The following UBR4 variants were observed in gnomAD, a reference collection of about 807,000 sequenced individuals.
The protein encoded by UBR4 is ubiquitin protein ligase E3 component n-recognin 4.
A neutral mutation model predicts 575.6 loss-of-function variants in UBR4; 124 were observed. That is an observed-to-expected ratio of 0.22 (90% confidence interval 0.19 to 0.25). The LOEUF (loss-of-function observed/expected upper bound fraction) is 0.25, where lower values mean the gene tolerates loss of function less well. Among genes scored for constraint, UBR4 ranks in the 10% least tolerant of loss-of-function variants. The pLI, the probability that UBR4 is intolerant of heterozygous loss-of-function variation, is 1.00. For missense variants in UBR4, 4,818 were observed against 6,478.8 expected, an observed-to-expected ratio of 0.74 and a Z score of 8.80; for synonymous variants, 2,455 against 2,473.7, an observed-to-expected ratio of 0.99 and a Z score of 0.22.
At chr1:19,086,544 T>G in intron 100 of UBR4, 135 bp downstream of exon 100, 1 of 1,333,964 alleles carries the variant, frequency 7.5e-7, no homozygotes, top group Non-Finnish European at 1.0e-6. Context: ...TGGGGACCTA[T>G]ATGGTGTCAG....
At chr1:19,084,413 A>G (rs2076812570) in intron 102 of UBR4, 91 bp downstream of exon 102, 2 of 1,360,022 alleles carry the variant, frequency 1.5e-6, no homozygotes, top group Non-Finnish European at 1.0e-6. Flanking sequence ...CGGAACTAGC[A>G]TGAGAGGCTA....
intron 15 of UBR4, among the ~76,000 whole-genome samples, 167 bp downstream of exon 15, chr1:19,184,927 AGTCAC>A (rs2151245274): frequency 6.6e-6 from 1 of 152,368 alleles, no homozygotes; most frequent in South Asian, 2.1e-4. Context: ...AAACAGTAAC[AGTCAC>A]GTAAGTTATT....
intron 26 of UBR4, among the ~76,000 whole-genome samples, 192 bp downstream of exon 26, chr1:19,170,570 T>A (rs2089359359): frequency 6.6e-6 from 1 of 151,674 alleles, no homozygotes; most frequent in Admixed American, 6.6e-5. Flanking sequence ...TTATAATGAG[T>A]AAAAAGGGGA....
At chr1:19,101,675 A>T in intron 87 of UBR4, 34 bp from the exon 88 acceptor site, 1 of 1,582,114 alleles carries the variant, frequency 6.3e-7, no homozygotes, top group Non-Finnish European at 8.7e-7. Flanking sequence ...GTTAGGAAAG[A>T]GCCTCTCCCA....
chr1:19,084,870 A>G (rs1257891636), intron 101 of UBR4, among the ~76,000 whole-genome samples, 172 bp from the exon 102 acceptor site: 1 of 152,230 alleles, frequency 6.6e-6, no homozygotes, highest in Non-Finnish European at 1.5e-5. Context: ...GCAGGACGAC[A>G]AGGCCATAGG....
chr1:19,209,792 G>A (rs751859667), intron 1 of UBR4, among the ~76,000 whole-genome samples: 4 of 152,158 alleles, frequency 2.6e-5, no homozygotes, highest in Non-Finnish European at 5.9e-5. Flanking sequence ...CCCTTAAGAG[G>A]GCGAATGCAT....
chr1:19,155,722 C>G (rs1402335714), intron 42 of UBR4, 54 bp from the exon 43 acceptor site: 3 of 1,485,084 alleles, frequency 2.0e-6, no homozygotes, highest in Non-Finnish European at 2.8e-6. Flanking sequence ...TCCCATCCCC[C>G]AAATATCTTA....
chr1:19,094,811 AG>A, intron 94 of UBR4, 94 bp downstream of exon 94: 1 of 1,514,194 alleles, frequency 6.6e-7, no homozygotes, highest in Non-Finnish European at 8.9e-7. Flanking sequence ...CGCCATTCTC[AG>A]GTGGGCTAAG....
chr1:19,175,828 C>G (rs184600618), intron 20 of UBR4, among the ~76,000 whole-genome samples: 154 of 152,228 alleles, frequency 1.0e-3, no homozygotes, highest in African/African-American at 3.6e-3. Flanking sequence ...GGGTCTCACT[C>G]TGTCAACCAG....
chr1:19,141,190 C>T (rs1207143804), intron 57 of UBR4, among the ~76,000 whole-genome samples, 157 bp downstream of exon 57: 1 of 152,228 alleles, frequency 6.6e-6, no homozygotes, highest in African/African-American at 2.4e-5. Flanking sequence ...CACCACATCC[C>T]TCTCACTCTC....
rs1245936395 is a variant in UBR4 at position 19,139,718 on chromosome 1, T to TAG, written c.8594-500_8594-499dup. On this transcript the variant is annotated intron_variant, in intron 58 of 105. Coordinates refer to ENST00000375254, the MANE Select transcript of UBR4 (RefSeq NM_020765.3). The surrounding 1 kb of genome is among the most constrained non-coding windows in gnomAD (Gnocchi z 4.2). The stretch of plus-strand genomic sequence containing the variant: ...GTTTTGCTTATGTTAGGAAATCACT[T>TAG]AGCATGAGCTCTTGAATCAACCCTG... 1.8e-4 allele frequency among the ~76,000 whole-genome samples: 27 copies of TAG among 152,344 alleles called. No homozygotes were observed. Among genetic ancestry groups the TAG allele is most frequent in the African/African-American group, 6.5e-4 (27 of 41,588 alleles).
chr1:19,090,366 G>T (rs1261813409), intron 97 of UBR4, among the ~76,000 whole-genome samples: 1 of 152,070 alleles, frequency 6.6e-6, no homozygotes, highest in Non-Finnish European at 1.5e-5. Flanking sequence ...CCAGGGCACT[G>T]CCCTCAGGAG....
rs1038508170 is a variant in UBR4, at chr1:19,088,100, T to C, written c.14431-171A>G. On this transcript the variant is annotated intron_variant, in intron 98 of 105. Transcript: ENST00000375254. This position sits in a 1 kb window ranked among gnomAD's most constrained non-coding sequence, Gnocchi z 4.0. ...ATAAGGATAAAGACCCAGGCCCTTC[T>C]GCTATTCTCTCTTCCTACAGGAACC... is the stretch of plus-strand genomic sequence containing the variant. 1.3e-5 allele frequency among the ~76,000 whole-genome samples: 2 copies of C among 152,244 alleles called. No individual in the cohort carries two copies. Among genetic ancestry groups the C allele is most frequent in the Non-Finnish European group, 2.9e-5 (2 of 68,038 alleles).
At chr1:19,196,021 C>T (rs1024532072) in intron 8 of UBR4, among the ~76,000 whole-genome samples, 18 of 145,662 alleles carry the variant, frequency 1.2e-4, no homozygotes, top group African/African-American at 4.3e-4. Flanking sequence ...CACACACAAA[C>T]TTACGTAGTA....
In UBR4 at chr1:19,164,869, G is replaced by A; in HGVS notation, c.4441C>T (p.Gln1481Ter). 6.2e-7 allele frequency: 1 copy of A among 1,614,166 alleles called. No homozygotes were observed. The highest frequency in any genetic ancestry group is 8.5e-7 in the Non-Finnish European group (1 of 1,180,022). Reference protein sequence around the residue: ...MTTSPPKDSDQLDVIQENRQL... With the variant: ...MTTSPPKDSD ...CGGTTCTCCTGAATTACATCCAGCT[G>A]ATCAGAATCTTTTGGGGGCGATGTA... Residue 1481 changes from glutamine (Q) to a stop codon, truncating the protein, a stop_gained, in exon 32 of 106, where the codon CAG becomes TAG. Transcript: ENST00000375254. LOFTEE classifies it high-confidence loss of function.
At chr1:19,173,329 T>C (rs1488379865) in intron 23 of UBR4, 23 bp from the exon 24 acceptor site, 1 of 1,613,836 alleles carries the variant, frequency 6.2e-7, no homozygotes, top group East Asian at 2.2e-5. Flanking sequence ...CAAGAAAAAG[T>C]GTTTAGGAGA....
chr1:19,102,238 G>A (rs1570480659), intron 87 of UBR4, among the ~76,000 whole-genome samples: 1 of 152,118 alleles, frequency 6.6e-6, no homozygotes, highest in Non-Finnish European at 1.5e-5. Context: ...GGTGGCACAC[G>A]CCTATAGTCC....
intron 1 of UBR4, among the ~76,000 whole-genome samples, chr1:19,209,867 G>A (rs1337424910): frequency 6.6e-6 from 1 of 152,218 alleles, no homozygotes; most frequent in Non-Finnish European, 1.5e-5. Context: ...TGCTCGAGAG[G>A]GGAAACTGAG....
At chr1:19,170,209 G>C (rs767778533) in intron 26 of UBR4, among the ~76,000 whole-genome samples, 2 of 152,120 alleles carry the variant, frequency 1.3e-5, no homozygotes, top group Non-Finnish European at 1.5e-5. Context: ...ACCAGCCTGG[G>C]CAACATAGGA....
Sources: allele counts gnomAD v4.1 joint callset (sites outside exome capture counted in the v4.1 genomes callset), GRCh38; gene constraint gnomAD v4.1.1; non-coding constraint Gnocchi (gnomAD v3.1); transcripts MANE v1.5; gene names NCBI Gene and HGNC (gene_info 2026-07-23, HGNC 2026-07-21).